G3BP1: variants seen among roughly 807,000 people sequenced by gnomAD.
G3BP1 encodes ras GTPase-activating protein-binding protein 1.
G3BP1 carries 35 observed loss-of-function variants against 58.6 expected under a neutral mutation model. The ratio of observed to expected loss-of-function variants is 0.60; its 90% CI spans 0.46 to 0.79. The LOEUF (loss-of-function observed/expected upper bound fraction) is 0.79, where lower values mean the gene tolerates loss of function less well. G3BP1 is among the 30% of genes least tolerant of loss of function. The pLI is 0.00. For missense variants in G3BP1, 523 were observed against 580.8 expected (o/e 0.90, Z 1.02); for synonymous variants, 191 against 195.4 (o/e 0.98, Z 0.19).
chr5:151,774,994 C>T (rs1315203777), intron 1 of G3BP1, among the ~76,000 whole-genome samples: 1 of 152,116 alleles, frequency 6.6e-6, no homozygotes, highest in Non-Finnish European at 1.5e-5. Flanking sequence ...AAGTTGCAAG[C>T]CAGGTGATAG....
intron 5 of G3BP1, 35 bp downstream of exon 5, chr5:151,794,284 A>G (rs758105575): frequency 1.6e-6 from 2 of 1,236,464 alleles, no homozygotes; most frequent in East Asian, 2.3e-5. Context: ...ACTTGTCTAA[A>G]TTTTTTTTAA....
rs1317619190 is a variant in G3BP1 at position 151,807,834 on chromosome 5, T to C, written c.*3743T>C. The C allele has an allele frequency of 6.6e-6, 1 of 152,226 alleles. No homozygotes were observed. Among genetic ancestry groups the C allele is most frequent in the Non-Finnish European group, 1.5e-5 (1 of 68,028 alleles). 9.4% of individuals were successfully genotyped at this position (152,226 alleles called of 1,614,324 possible). A position where few individuals can be genotyped will look rare whatever the true frequency, so the allele number is the denominator to read the frequency against. Reference sequence around the variant, plus strand: ...GAGCTTAGATTTGTAGACCACTGTTTATGCTGAGTGACATTTCTTTTAAAT... The same window carrying C: ...GAGCTTAGATTTGTAGACCACTGTTCATGCTGAGTGACATTTCTTTTAAAT... On this transcript the variant is annotated 3_prime_UTR_variant, in exon 12 of 12. Transcript: ENST00000356245.
intron 2 of G3BP1, chr5:151,786,965 C>T (rs905115379): frequency 7.5e-6 from 2 of 267,368 alleles, no homozygotes; most frequent in Admixed American, 5.3e-5. Flanking sequence ...GCCCCAGCCT[C>T]CTGAGTAGCT....
chr5:151,803,382 C>G (rs369528485), intron 11 of G3BP1, among the ~76,000 whole-genome samples: 1 of 151,506 alleles, frequency 6.6e-6, no homozygotes, highest in African/African-American at 2.4e-5. Flanking sequence ...CCACAACTTC[C>G]GCCACCCGGG....
intron 3 of G3BP1, among the ~76,000 whole-genome samples, 153 bp from the exon 4 acceptor site, chr5:151,790,736 A>G (rs1330911276): frequency 1.3e-5 from 2 of 152,216 alleles, no homozygotes; most frequent in Admixed American, 6.5e-5. Flanking sequence ...GGAATAGAGT[A>G]TACAAAGAAA....
rs774923752 is a variant in G3BP1 at position 151,790,437 on chromosome 5, G to A, written c.177+33G>A. On this transcript the variant is annotated intron_variant, in intron 3 of 11. Coordinates refer to ENST00000356245, the MANE Select transcript of G3BP1 (RefSeq NM_005754.3). ...TTTCAAGCCTTATTTAGGCTGTTAA[G>A]CAGGTAGAAAATAACTCATAAAATT... The A allele has an allele frequency of 3.3e-6, 4 of 1,221,094 alleles. No individual in the cohort carries two copies. In the South Asian group the frequency reaches 4.3e-5, roughly 13 times the overall value. The allele number at this position is 1,221,094 out of a possible 1,614,324, so 75.6% of individuals were successfully genotyped here. A position where few individuals can be genotyped will look rare whatever the true frequency, so the allele number is the denominator to read the frequency against.
chr5:151,811,730 G>A lies in G3BP1; in HGVS notation c.*7639G>A, dbSNP rs1763021821. 6.6e-6 allele frequency: 1 copy of A among 152,120 alleles called. No homozygotes were observed. Among genetic ancestry groups the A allele is most frequent in the African/African-American group, 2.4e-5 (1 of 41,432 alleles). The allele number at this position is 152,120 out of a possible 1,614,324, so 9.4% of individuals were successfully genotyped here. A position where few individuals can be genotyped will look rare whatever the true frequency, so the allele number is the denominator to read the frequency against. ...GGCAAAAGGGAATTAGTTGTTCAAG[G>A]TTGAGTGTCCAGTAAGAAGTAAAAA... On this transcript the variant is annotated 3_prime_UTR_variant, in exon 12 of 12. Coordinates refer to ENST00000356245, the MANE Select transcript of G3BP1 (RefSeq NM_005754.3).
intron 1 of G3BP1, among the ~76,000 whole-genome samples, chr5:151,784,357 T>C (rs774267682): frequency 2.6e-5 from 4 of 152,222 alleles, no homozygotes; most frequent in Non-Finnish European, 5.9e-5. Context: ...AACAGTGTTA[T>C]GTCTGCTATC....
In G3BP1 at chr5:151,797,256, C is replaced by T; in HGVS notation, c.569C>T (p.Pro190Leu). 2 of 1,613,102 alleles carry T rather than the reference C, an allele frequency of 1.2e-6. No individual in the cohort carries two copies. The highest frequency in any genetic ancestry group is 8.5e-7 in the Non-Finnish European group (1 of 1,179,120). ...GACATGGAAGAACATTTAGAGGAGC[C>T]TGTTGCTGAACCAGAGCCTGATCCT... ...SNDMEEHLEEPVAEPEPDPEP... is the reference protein window; with the variant it reads ...SNDMEEHLEELVAEPEPDPEP... Residue 190 changes from proline (P) to leucine (L), a missense_variant, in exon 7 of 12, where the codon CCT (proline) becomes CTT (leucine). Pro to Leu is a moderately conservative substitution (Grantham distance 98). Coordinates refer to ENST00000356245, the MANE Select transcript of G3BP1 (RefSeq NM_005754.3).
chr5:151,792,353 G>A (rs1462044282), intron 4 of G3BP1, among the ~76,000 whole-genome samples: 4 of 152,168 alleles, frequency 2.6e-5, no homozygotes, highest in Non-Finnish European at 5.9e-5. Flanking sequence ...TTGAATATGA[G>A]ATAACTTTTT....
At chr5:151,795,422 A>C (rs1404560174) in intron 5 of G3BP1, 57 bp from the exon 6 acceptor site, 1 of 847,238 alleles carries the variant, frequency 1.2e-6, no homozygotes, top group African/African-American at 1.7e-5. Flanking sequence ...TGCGAAAGTT[A>C]ATGTATATGT....
Position 151,794,226 on chromosome 5 carries a change from G to T in G3BP1, c.419G>T (p.Gly140Val), listed in dbSNP as rs186236219. Residue 140 changes from glycine (G) to valine (V), a missense_variant, in exon 5 of 12, where the codon GGG (glycine) becomes GTG (valine). Gly to Val is a moderately radical substitution (Grantham distance 109). Transcript: ENST00000356245. Reference protein sequence around the residue: ...IFRYQDEVFGGFVTEPQEESE... With the variant: ...IFRYQDEVFGVFVTEPQEESE... Reference sequence around the variant, plus strand: ...AGATACCAAGATGAGGTCTTTGGTGGGTTTGTCACTGAGCCTCAGGAGGGT... The same window carrying T: ...AGATACCAAGATGAGGTCTTTGGTGTGTTTGTCACTGAGCCTCAGGAGGGT... 1.8e-5 allele frequency: 29 copies of T among 1,607,380 alleles called. No individual in the cohort carries two copies. Among genetic ancestry groups the T allele is most frequent in the Admixed American group, 6.7e-5 (4 of 60,000 alleles).
At chr5:151,788,574 G>A (rs1287898622) in intron 2 of G3BP1, among the ~76,000 whole-genome samples, 1 of 133,858 alleles carries the variant, frequency 7.5e-6, no homozygotes, top group African/African-American at 3.4e-5. Context: ...AAGTTTATAT[G>A]TGTGTGTGTG....
chr5:151,787,915 A>ATT (rs1762578423), intron 2 of G3BP1: 1 of 167,492 alleles, frequency 6.0e-6, no homozygotes, highest in Non-Finnish European at 1.3e-5. Context: ...GTGTGTGTGC[A>ATT]TGTGTGTGTG....
At chr5:151,774,920 C>A (rs1762340743) in intron 1 of G3BP1, among the ~76,000 whole-genome samples, 1 of 137,966 alleles carries the variant, frequency 7.2e-6, no homozygotes, top group African/African-American at 2.7e-5. Context: ...TCTCAGAAAT[C>A]AGCTATTTAC....
intron 1 of G3BP1, among the ~76,000 whole-genome samples, chr5:151,783,630 A>G (rs1762509725): frequency 6.6e-6 from 1 of 151,754 alleles, no homozygotes; most frequent in Admixed American, 6.6e-5. Context: ...GCCTCAAGTG[A>G]TCTGTCCCTG....
At chr5:151,799,175 C>T (rs1435677893) in intron 7 of G3BP1, 37 bp from the exon 8 acceptor site, 1 of 971,654 alleles carries the variant, frequency 1.0e-6, no homozygotes, top group Admixed American at 1.7e-5. Context: ...GTTTTGATAC[C>T]TGGTATAATT....
rs930532450 is a variant in G3BP1 at position 151,807,025 on chromosome 5, A to G, written c.*2934A>G. On this transcript the variant is annotated 3_prime_UTR_variant, in exon 12 of 12. Transcript: ENST00000356245. ...TTAGACATCTTGGGCCTTAAACTGT[A>G]TTTTTGTTTTAGTGGTGAGGTTGGG... 1.3e-5 allele frequency: 2 copies of G among 152,030 alleles called. No individual in the cohort carries two copies. Among genetic ancestry groups the G allele is most frequent in the Non-Finnish European group, 2.9e-5 (2 of 67,992 alleles). The allele number at this position is 152,030 out of a possible 1,614,324, so 9.4% of individuals were successfully genotyped here. A position where few individuals can be genotyped will look rare whatever the true frequency, so the allele number is the denominator to read the frequency against.
At chr5:151,783,750 A>G (rs1286693682) in intron 1 of G3BP1, among the ~76,000 whole-genome samples, 3 of 152,042 alleles carry the variant, frequency 2.0e-5, no homozygotes, top group South Asian at 4.1e-4. Context: ...TTGATCAGTG[A>G]AGAACTTACC....
Sources: gnomAD v4.1 joint callset for allele counts (sites outside exome capture counted in the v4.1 genomes callset) on GRCh38, gnomAD v4.1.1 for gene constraint, MANE v1.5 for transcripts, NCBI Gene and HGNC (gene_info 2026-07-23, HGNC 2026-07-21) for gene names.